The following MTX3 variants were observed in gnomAD, a reference collection of about 807,000 sequenced individuals.
MTX3 encodes metaxin-3.
MTX3 carries 27 observed loss-of-function variants against 42.5 expected under a neutral mutation model. That is an observed-to-expected ratio of 0.64 (90% CI 0.47 to 0.88). The LOEUF (loss-of-function observed/expected upper bound fraction) is 0.88, where lower values mean the gene tolerates loss of function less well. Ranked by LOEUF, MTX3 falls within the 40% of genes least tolerant of loss-of-function variation. The probability of loss-of-function intolerance (pLI) is 0.00; values close to 1 mark genes in which losing one functional copy is unlikely to be tolerated. For synonymous variants in MTX3, 144 were observed against 132.9 expected (o/e 1.08, Z -0.57); for missense variants, 378 against 367.0 (o/e 1.03, Z -0.25).
rs1485016154 is a variant in MTX3, at chr5:79,976,804, C to CTT, written c.*6878_*6879dup. On this transcript the variant is annotated 3_prime_UTR_variant, in exon 9 of 9. Coordinates refer to ENST00000512528, the MANE Select transcript of MTX3 (RefSeq NM_001363818.2). ...AGTTTCTCATTTATCAGAATAAATTCTTTACAATATTGATCACCATCACCA... is the reference window on the plus strand; with the variant it reads ...AGTTTCTCATTTATCAGAATAAATTCTTTTTACAATATTGATCACCATCACCA... 1.3e-5 allele frequency: 2 copies of CTT among 152,572 alleles called. No homozygotes were observed. Among genetic ancestry groups the CTT allele is most frequent in the Non-Finnish European group, 2.9e-5 (2 of 68,026 alleles). The allele number at this position is 152,572 out of a possible 1,614,324, so 9.5% of individuals were successfully genotyped here.
In MTX3 at chr5:79,991,218, G is replaced by A. The variant is rs768685103; in HGVS notation, c.21C>T (p.Leu7=). 47 of 1,468,122 alleles carry A rather than the reference G, an allele frequency of 3.2e-5. No homozygotes were observed. The highest frequency in any genetic ancestry group is 4.0e-5 in the Non-Finnish European group (44 of 1,105,092). 90.9% of individuals were successfully genotyped at this position (1,468,122 alleles called of 1,614,324 possible). A position where few individuals can be genotyped will look rare whatever the true frequency, so the allele number is the denominator to read the frequency against. Residue 7 remains leucine, a synonymous_variant, in exon 1 of 9, where the codon CTC becomes CTT. Transcript: ENST00000512528. MAAPLE[L]SCWGGGWGLP... ...GTCCCCAGCCGCCTCCCCAGCAACTGAGTTCCAAGGGGGCCGCCATCTTGC... is the reference window on the plus strand; with the variant it reads ...GTCCCCAGCCGCCTCCCCAGCAACTAAGTTCCAAGGGGGCCGCCATCTTGC...
At position 79,978,807 on chromosome 5, in the gene MTX3, G is replaced by C. The variant is rs2151137977; in HGVS notation, c.*4877C>G. ...ATATTCTGACAAAACACTCCTTCAG[G>C]AACTGCTTCACCCAGAACCAAACAG... On this transcript the variant is annotated 3_prime_UTR_variant, in exon 9 of 9. Transcript: ENST00000512528. 6.6e-6 allele frequency: 1 copy of C among 152,512 alleles called. No individual in the cohort carries two copies. The highest frequency in any genetic ancestry group is 2.4e-5 in the African/African-American group (1 of 41,494). The allele number at this position is 152,512 out of a possible 1,614,324, so 9.4% of individuals were successfully genotyped here.
Position 79,990,322 on chromosome 5 carries a change from A to C in MTX3, c.152-86T>G, listed in dbSNP as rs1831609991. On this transcript the variant is annotated intron_variant, in intron 2 of 8. Coordinates refer to ENST00000512528, the MANE Select transcript of MTX3 (RefSeq NM_001363818.2). Reference sequence around the variant, plus strand: ...ATATCCTAAAAACTATAGCAGTTGCACATTTAGAGGGGAAAAAATGAGTAA... The same window carrying C: ...ATATCCTAAAAACTATAGCAGTTGCCCATTTAGAGGGGAAAAAATGAGTAA... The C allele has an allele frequency of 2.9e-5, 27 of 919,544 alleles. 1 individual carries two copies. In the South Asian group the frequency reaches 4.0e-4, roughly 14 times the overall value. 57.0% of individuals were successfully genotyped at this position (919,544 alleles called of 1,614,324 possible).
rs528007063 is a variant in MTX3 at position 79,980,901 on chromosome 5, T to G, written c.*2783A>C. On this transcript the variant is annotated 3_prime_UTR_variant, in exon 9 of 9. Transcript: ENST00000512528. ...AAATGTTCTTTTTGGCCGGGCGCAG[T>G]GGCTCACGCCTGTAATCCCAGCACT... 1 of 152,524 alleles carries G rather than the reference T, an allele frequency of 6.6e-6. No homozygotes were observed. Among genetic ancestry groups the G allele is most frequent in the South Asian group, 2.1e-4 (1 of 4,832 alleles). The allele number at this position is 152,524 out of a possible 1,614,324, so 9.4% of individuals were successfully genotyped here. A position where few individuals can be genotyped will look rare whatever the true frequency, so the allele number is the denominator to read the frequency against.
At position 79,989,349 on chromosome 5, in the gene MTX3, C is replaced by T. The variant is rs1580889739; in HGVS notation, c.229-105G>A. The T allele has an allele frequency of 7.3e-6, 5 of 681,198 alleles. No homozygotes were observed. In the East Asian group the frequency reaches 8.4e-5, roughly 11 times the overall value. 42.2% of individuals were successfully genotyped at this position (681,198 alleles called of 1,614,324 possible). A position where few individuals can be genotyped will look rare whatever the true frequency, so the allele number is the denominator to read the frequency against. On this transcript the variant is annotated intron_variant, in intron 3 of 8. Coordinates refer to ENST00000512528, the MANE Select transcript of MTX3 (RefSeq NM_001363818.2). ...CATATTTTTCCTTACAAATAGCAAACGTGGTATTAAAATGGGAGAAAGAGA... is the reference window on the plus strand; with the variant it reads ...CATATTTTTCCTTACAAATAGCAAATGTGGTATTAAAATGGGAGAAAGAGA...
In MTX3 at chr5:79,983,025, A is replaced by G. The variant is rs1175609095; in HGVS notation, c.*659T>C. ...ACCTATATCGAACACATCAGCAAAGACCAATGTTATACTGAAATGAGTATT... is the reference window on the plus strand; with the variant it reads ...ACCTATATCGAACACATCAGCAAAGGCCAATGTTATACTGAAATGAGTATT... On this transcript the variant is annotated 3_prime_UTR_variant, in exon 9 of 9. Coordinates refer to ENST00000512528, the MANE Select transcript of MTX3 (RefSeq NM_001363818.2). 1 of 153,974 alleles carries G rather than the reference A, an allele frequency of 6.5e-6. No individual in the cohort carries two copies. Among genetic ancestry groups the G allele is most frequent in the Non-Finnish European group, 1.4e-5 (1 of 69,296 alleles). 9.5% of individuals were successfully genotyped at this position (153,974 alleles called of 1,614,324 possible).
intron 8 of MTX3, 104 bp downstream of exon 8, chr5:79,985,467 T>C (rs1345619444): frequency 2.7e-6 from 2 of 747,448 alleles, no homozygotes; most frequent in African/African-American, 1.8e-5. Context: ...ACAAACTCTA[T>C]AAAAAAAACT....
At chr5:79,983,846 T>A in intron 8 of MTX3, 52 bp from the exon 9 acceptor site, 1 of 1,236,612 alleles carries the variant, frequency 8.1e-7, no homozygotes. Context: ...ACCGCTTATG[T>A]GGACTGTGGC....
In MTX3 at chr5:79,987,059, G is replaced by A. The variant is rs1156276654; in HGVS notation, c.630C>T (p.Tyr210=). 6.2e-7 allele frequency: 1 copy of A among 1,613,960 alleles called. No homozygotes were observed. Among genetic ancestry groups the A allele is most frequent in the East Asian group, 2.2e-5 (1 of 44,878 alleles). The change falls in exon 7 of 9, where the codon TAC becomes TAT. Residue 210 remains tyrosine (Y), a synonymous_variant. Coordinates refer to ENST00000512528, the MANE Select transcript of MTX3 (RefSeq NM_001363818.2). The part of the protein sequence containing the change: ...AYVFGFLAPL[Y]KVRFPKVQLQ... ...GCTGAACTTTAGGAAACCGTACTTT[G>A]TAAAGAGGTGCAAGAAAACCAAAAA...
rs889278638 is a variant in MTX3, at chr5:79,982,879, C to T, written c.*805G>A. On this transcript the variant is annotated 3_prime_UTR_variant, in exon 9 of 9. Coordinates refer to ENST00000512528, the MANE Select transcript of MTX3 (RefSeq NM_001363818.2). ...AGAATTTTACAGCCTAGCATAGTAACGATAACCAGTACATTCACTTCTTCT... is the reference window on the plus strand; with the variant it reads ...AGAATTTTACAGCCTAGCATAGTAATGATAACCAGTACATTCACTTCTTCT... 1.2e-4 allele frequency: 18 copies of T among 155,730 alleles called. No homozygotes were observed. The highest frequency in any genetic ancestry group is 2.6e-4 in the Non-Finnish European group (18 of 70,402). 9.6% of individuals were successfully genotyped at this position (155,730 alleles called of 1,614,324 possible). A position where few individuals can be genotyped will look rare whatever the true frequency, so the allele number is the denominator to read the frequency against.
chr5:79,986,722 G>T, intron 7 of MTX3: 1 of 570,728 alleles, frequency 1.8e-6, no homozygotes, highest in Non-Finnish European at 3.2e-6. Context: ...AAGAAGAAAC[G>T]TAAAAATCCA....
intron 1 of MTX3, 58 bp downstream of exon 1, chr5:79,991,100 C>T (rs1390802206): frequency 1.3e-6 from 2 of 1,481,824 alleles, no homozygotes; most frequent in African/African-American, 1.4e-5. Context: ...GGCAAGTCAG[C>T]CTGGCGCCTC....
Position 79,988,440 on chromosome 5 carries a change from TGAA to T in MTX3, c.504+19_504+21del. The T allele has an allele frequency of 6.3e-7, 1 of 1,599,464 alleles. No individual in the cohort carries two copies. The highest frequency in any genetic ancestry group is 8.5e-7 in the Non-Finnish European group (1 of 1,174,490). On this transcript the variant is annotated intron_variant, in intron 5 of 8. Transcript: ENST00000512528. ...GTCCTTTCTCTCTAGGGCCCTTGCTTGAAGAATAATCCATACTATACCTGTGCT... is the reference window on the plus strand; with the variant it reads ...GTCCTTTCTCTCTAGGGCCCTTGCTTGAATAATCCATACTATACCTGTGCT...
At chr5:79,985,956 T>C (rs1194122013) in intron 7 of MTX3, among the ~76,000 whole-genome samples, 1 of 144,996 alleles carries the variant, frequency 6.9e-6, no homozygotes, top group Non-Finnish European at 1.5e-5. Context: ...AAAAGCACAG[T>C]AGTCCTCATT....
chr5:79,986,313 T>A lies in MTX3; in HGVS notation c.739+637A>T, dbSNP rs572081027. On this transcript the variant is annotated intron_variant, in intron 7 of 8. Coordinates refer to ENST00000512528, the MANE Select transcript of MTX3 (RefSeq NM_001363818.2). ...TAACCCACCAAAAAATAATAAACTGTCCACCTAAGCCAGCTATCTTTATAA... is the reference window on the plus strand; with the variant it reads ...TAACCCACCAAAAAATAATAAACTGACCACCTAAGCCAGCTATCTTTATAA... 8.5e-5 allele frequency among the ~76,000 whole-genome samples: 13 copies of A among 152,270 alleles called. No homozygotes were observed. In the East Asian group the frequency reaches 2.5e-3, roughly 29 times the overall value.
chr5:79,989,386 A>C (rs567217583), intron 3 of MTX3, 142 bp from the exon 4 acceptor site: 2 of 608,720 alleles, frequency 3.3e-6, no homozygotes, highest in African/African-American at 1.9e-5. Context: ...ATACAAATCC[A>C]GTGAAACCTA....
intron 8 of MTX3, among the ~76,000 whole-genome samples, chr5:79,985,044 C>T (rs140083617): frequency 5.0e-4 from 76 of 152,078 alleles, no homozygotes; most frequent in African/African-American, 1.6e-3. Context: ...TGCAGTGGCA[C>T]GATCTCAGCT....
intron 8 of MTX3, 48 bp downstream of exon 8, chr5:79,985,523 C>T (rs1350881145): frequency 8.3e-6 from 11 of 1,330,088 alleles, no homozygotes; most frequent in East Asian, 4.6e-5. Context: ...TATTAGCTAC[C>T]GAAAGGAAAA....
intron 7 of MTX3, 72 bp from the exon 8 acceptor site, chr5:79,985,731 G>T: frequency 9.2e-7 from 1 of 1,090,154 alleles, no homozygotes; most frequent in Non-Finnish European, 1.3e-6. Context: ...TAGATTGAAA[G>T]AATTTTGAGT....
Sources: gnomAD v4.1 joint callset for allele counts (sites outside exome capture counted in the v4.1 genomes callset) on GRCh38, gnomAD v4.1.1 for gene constraint, MANE v1.5 for transcripts, NCBI Gene and HGNC (gene_info 2026-07-23, HGNC 2026-07-21) for gene names.